The following MAP3K5 variants were observed in gnomAD, a reference collection of about 807,000 sequenced individuals.
MAP3K5 encodes ASK-1.
Under a neutral mutation model 158.7 loss-of-function variants are expected in MAP3K5, and 56 were observed. That is an observed-to-expected ratio of 0.35 (90% CI 0.28 to 0.44). MAP3K5 has a LOEUF of 0.44. MAP3K5 is among the 20% of genes least tolerant of loss of function. The pLI is 1.00. For synonymous variants in MAP3K5, 579 were observed against 601.7 expected (o/e 0.96, Z 0.55); for missense variants, 1,294 against 1,674.8 (o/e 0.77, Z 3.97).
At chr6:136,562,684 T>A (rs888886276) in intron 26 of MAP3K5, 69 bp from the exon 27 acceptor site, 2 of 787,494 alleles carry the variant, frequency 2.5e-6, no homozygotes, top group Non-Finnish European at 4.1e-6. Context: ...TATTTTTATT[T>A]TTTTAGATAC....
chr6:136,658,140 C>T (rs1044420795), intron 9 of MAP3K5, among the ~76,000 whole-genome samples: 2 of 152,042 alleles, frequency 1.3e-5, no homozygotes, highest in Non-Finnish European at 2.9e-5. Flanking sequence ...CTTCCTCACA[C>T]GGTTTCTGTG....
intron 15 of MAP3K5, among the ~76,000 whole-genome samples, chr6:136,619,262 C>T (rs934848551): frequency 1.3e-5 from 2 of 151,908 alleles, no homozygotes; most frequent in East Asian, 1.9e-4. Flanking sequence ...TTGGTATGCC[C>T]GATAGAGAGA....
chr6:136,667,578 C>G (rs964360155), intron 8 of MAP3K5, among the ~76,000 whole-genome samples: 1 of 151,914 alleles, frequency 6.6e-6, no homozygotes, highest in Non-Finnish European at 1.5e-5. Context: ...GAGTGAGAGC[C>G]AACCTTAAAA....
chr6:136,645,437 T>C (rs1749977299), intron 11 of MAP3K5, among the ~76,000 whole-genome samples: 1 of 152,130 alleles, frequency 6.6e-6, no homozygotes, highest in Admixed American at 6.5e-5. Context: ...GAGTCAGCAC[T>C]TAGTCCTCCA....
intron 14 of MAP3K5, among the ~76,000 whole-genome samples, chr6:136,631,194 G>A (rs771285774): frequency 1.3e-5 from 2 of 152,156 alleles, no homozygotes; most frequent in Admixed American, 6.5e-5. Flanking sequence ...TTGAACATAA[G>A]CTGGTACAAG....
At chr6:136,634,626 C>T (rs1300718371) in intron 14 of MAP3K5, among the ~76,000 whole-genome samples, 1 of 152,044 alleles carries the variant, frequency 6.6e-6, no homozygotes, top group East Asian at 1.9e-4. Flanking sequence ...GCAGCTCAGG[C>T]TGGAGTGCAG....
chr6:136,595,650 T>C (rs73556239), intron 21 of MAP3K5, among the ~76,000 whole-genome samples: 1 of 152,140 alleles, frequency 6.6e-6, no homozygotes, highest in Non-Finnish European at 1.5e-5. Context: ...TGAGAAATAA[T>C]ACAGGCCAAA....
chr6:136,669,172 G>C, intron 8 of MAP3K5, 111 bp downstream of exon 8: 1 of 759,018 alleles, frequency 1.3e-6, no homozygotes, highest in Non-Finnish European at 2.3e-6. Flanking sequence ...TTCTCTTTGG[G>C]AAGTATGAAA....
chr6:136,760,426 G>A (rs1783697508), intron 1 of MAP3K5, among the ~76,000 whole-genome samples: 1 of 152,116 alleles, frequency 6.6e-6, no homozygotes, highest in Admixed American at 6.5e-5. Context: ...TCTAAATAAA[G>A]CTCTTACATG....
intron 15 of MAP3K5, among the ~76,000 whole-genome samples, chr6:136,615,779 T>C (rs113356114): frequency 1.3e-5 from 2 of 152,170 alleles, no homozygotes; most frequent in African/African-American, 4.8e-5. Flanking sequence ...TGAAATACAC[T>C]AATAATTCAC....
chr6:136,641,390 T>TGGG lies in MAP3K5; in HGVS notation c.1838+1127_1838+1129dup, dbSNP rs1777924776. 2.0e-5 allele frequency among the ~76,000 whole-genome samples: 3 copies of TGGG among 152,128 alleles called. No homozygotes were observed. In the South Asian group the frequency reaches 6.2e-4, roughly 31 times the overall value. ...TCTGTTGTCTCTCATTGCTATGACG[T>TGGG]GGGGGTAAACAGTAGTTAGCACATC... is the stretch of plus-strand genomic sequence containing the variant. On this transcript the variant is annotated intron_variant, in intron 12 of 29. Transcript: ENST00000359015.
intron 3 of MAP3K5, among the ~76,000 whole-genome samples, chr6:136,700,932 A>AT (rs1343323812): frequency 1.3e-5 from 2 of 152,222 alleles, no homozygotes; most frequent in African/African-American, 4.8e-5. Flanking sequence ...CATACGGAGA[A>AT]TAATACAGCA....
intron 14 of MAP3K5, among the ~76,000 whole-genome samples, chr6:136,625,639 G>C (rs147562482): frequency 6.6e-6 from 1 of 152,304 alleles, no homozygotes; most frequent in Non-Finnish European, 1.5e-5. Context: ...TCTTGAGCCT[G>C]GGATATCCCT....
chr6:136,609,963 C>A lies in MAP3K5; in HGVS notation c.2521+1319G>T, dbSNP rs886841148. 1.3e-5 allele frequency among the ~76,000 whole-genome samples: 2 copies of A among 151,900 alleles called. No homozygotes were observed. Among genetic ancestry groups the A allele is most frequent in the Admixed American group, 6.6e-5 (1 of 15,210 alleles). ...CAAAAACAAAAAACCAGTCTGAGTTCTATCCGGTACACACTGCTGTGACTT... is the reference window on the plus strand; with the variant it reads ...CAAAAACAAAAAACCAGTCTGAGTTATATCCGGTACACACTGCTGTGACTT... On this transcript the variant is annotated intron_variant, in intron 18 of 29. Coordinates refer to ENST00000359015, the MANE Select transcript of MAP3K5 (RefSeq NM_005923.4). The surrounding 1 kb of genome is among the most constrained non-coding windows in gnomAD (Gnocchi z 4.4).
In MAP3K5 at chr6:136,642,666, C is replaced by T. The variant is rs1778040336; in HGVS notation, c.1789-97G>A. The T allele has an allele frequency of 6.3e-6, 5 of 792,734 alleles. No homozygotes were observed. The South Asian group carries it at 6.4e-5, about 10-fold the overall frequency. 49.1% of individuals were successfully genotyped at this position (792,734 alleles called of 1,614,324 possible). On this transcript the variant is annotated intron_variant, in intron 11 of 29. Transcript: ENST00000359015. Reference sequence around the variant, plus strand: ...ATTATTTTTAAAGTGATATACACAGCCATTTTTCCTGGTACACTATTTTTC... The same window carrying T: ...ATTATTTTTAAAGTGATATACACAGTCATTTTTCCTGGTACACTATTTTTC...
intron 1 of MAP3K5, among the ~76,000 whole-genome samples, chr6:136,775,239 G>A (rs1340166994): frequency 6.6e-6 from 1 of 152,174 alleles, no homozygotes; most frequent in African/African-American, 2.4e-5. Flanking sequence ...GCAATGTGCT[G>A]GATTCAGGAA....
chr6:136,726,297 T>C (rs1781962512), intron 1 of MAP3K5, among the ~76,000 whole-genome samples: 1 of 152,188 alleles, frequency 6.6e-6, no homozygotes, highest in Non-Finnish European at 1.5e-5. Flanking sequence ...CTTAACAATA[T>C]TGAGTCTTTC....
chr6:136,642,091 AAAATT>A (rs1178896749), intron 12 of MAP3K5, among the ~76,000 whole-genome samples: 59 of 145,576 alleles, frequency 4.1e-4, no homozygotes, highest in South Asian at 3.6e-3. Flanking sequence ...AAAATAAAAT[AAAATT>A]AGTGGCAGGA....
At chr6:136,564,266 T>A (rs1156740603) in intron 26 of MAP3K5, among the ~76,000 whole-genome samples, 1 of 152,070 alleles carries the variant, frequency 6.6e-6, no homozygotes, top group Non-Finnish European at 1.5e-5. Flanking sequence ...GACATAAAGA[T>A]GAGATCCTCA....
Sources: gnomAD v4.1 joint callset for allele counts (sites outside exome capture counted in the v4.1 genomes callset) on GRCh38, gnomAD v4.1.1 for gene constraint, Gnocchi (gnomAD v3.1) non-coding constraint, MANE v1.5 for transcripts, NCBI Gene and HGNC (gene_info 2026-07-23, HGNC 2026-07-21) for gene names.